NTRK2: variants seen among roughly 807,000 people sequenced by gnomAD.
NTRK2 encodes the protein BDNF/NT-3 growth factors receptor.
A neutral mutation model predicts 94.5 loss-of-function variants in NTRK2; 13 were observed. The ratio of observed to expected loss-of-function variants is 0.14; its 90% CI spans 0.09 to 0.22. The LOEUF is 0.22. Ranked by LOEUF, NTRK2 falls within the 10% of genes least tolerant of loss-of-function variation. The pLI is 1.00. For synonymous variants in NTRK2, 372 were observed against 407.4 expected (o/e 0.91, Z 1.05); for missense variants, 639 against 1,071.2 (o/e 0.60, Z 5.63).
chr9:84,937,738 T>G (rs1413536267), intron 15 of NTRK2, among the ~76,000 whole-genome samples: 1 of 152,180 alleles, frequency 6.6e-6, no homozygotes, highest in East Asian at 1.9e-4. Context: ...TCAAACTGAG[T>G]TACTTTACCT....
At chr9:84,727,557 A>G (rs1183719004) in intron 8 of NTRK2, 97 bp from the exon 9 acceptor site, 3 of 1,206,638 alleles carry the variant, frequency 2.5e-6, no homozygotes, top group African/African-American at 1.5e-5. Flanking sequence ...AAGCCAAACA[A>G]TGGTTGAGTA....
chr9:84,832,815 G>T (rs2073640531), intron 12 of NTRK2, among the ~76,000 whole-genome samples: 1 of 152,084 alleles, frequency 6.6e-6, no homozygotes, highest in African/African-American at 2.4e-5. Context: ...TCCTGAGCTG[G>T]CCCAGTGTGT....
intron 14 of NTRK2, chr9:84,877,585 G>T: frequency 9.4e-7 from 1 of 1,065,994 alleles, no homozygotes; most frequent in Non-Finnish European, 1.1e-6. Flanking sequence ...CAACCATTCA[G>T]CCTGCTGCTG....
chr9:84,842,037 G>T (rs149719222), intron 12 of NTRK2, among the ~76,000 whole-genome samples: 1 of 152,142 alleles, frequency 6.6e-6, no homozygotes, highest in African/African-American at 2.4e-5. Context: ...GCAACCAGTG[G>T]AACTATTCAC....
intron 17 of NTRK2, among the ~76,000 whole-genome samples, chr9:85,015,339 T>C (rs1302982840): frequency 6.6e-6 from 1 of 152,146 alleles, no homozygotes; most frequent in Admixed American, 6.5e-5. Flanking sequence ...CACAGTAGAT[T>C]TGGCTGCATT....
At chr9:84,874,545 T>G (rs1216209746) in intron 14 of NTRK2, 2 of 1,065,068 alleles carry the variant, frequency 1.9e-6, no homozygotes, top group Non-Finnish European at 1.1e-6. Context: ...TGTTTGTTTT[T>G]GTTTAGTTTT....
intron 14 of NTRK2, among the ~76,000 whole-genome samples, chr9:84,929,314 G>A (rs904026717): frequency 2.6e-5 from 4 of 152,104 alleles, no homozygotes; most frequent in African/African-American, 9.7e-5. Flanking sequence ...GGCACTCATG[G>A]GACAAATGAC....
intron 12 of NTRK2, among the ~76,000 whole-genome samples, chr9:84,832,390 A>T (rs2073606411): frequency 6.6e-6 from 1 of 152,212 alleles, no homozygotes; most frequent in Non-Finnish European, 1.5e-5. Flanking sequence ...ATATTAAAGA[A>T]CCAAGTGCTA....
intron 12 of NTRK2, among the ~76,000 whole-genome samples, chr9:84,810,053 G>A (rs761002429): frequency 2.6e-5 from 4 of 152,170 alleles, no homozygotes; most frequent in Non-Finnish European, 4.4e-5. Flanking sequence ...CAGGATTTGG[G>A]TAGATAGGTA....
intron 14 of NTRK2, chr9:84,874,695 C>A: frequency 9.4e-7 from 1 of 1,062,054 alleles, no homozygotes; most frequent in Non-Finnish European, 1.1e-6. Flanking sequence ...TTGGACTCAG[C>A]CCCTAACTGG....
chr9:84,737,217 G>A (rs538896572), intron 9 of NTRK2, among the ~76,000 whole-genome samples: 36 of 152,220 alleles, frequency 2.4e-4, no homozygotes, highest in Middle Eastern at 3.4e-3. Flanking sequence ...TATCTTGTTA[G>A]CAGAATGGAA....
chr9:84,774,471 C>A (rs1249422504), intron 12 of NTRK2, among the ~76,000 whole-genome samples: 1 of 152,320 alleles, frequency 6.6e-6, no homozygotes, highest in African/African-American at 2.4e-5. Context: ...ACATAAAGAA[C>A]TGGAGGCTCA....
At chr9:84,927,028 G>T (rs768136571) in intron 14 of NTRK2, among the ~76,000 whole-genome samples, 1 of 152,184 alleles carries the variant, frequency 6.6e-6, no homozygotes, top group Non-Finnish European at 1.5e-5. Flanking sequence ...GTGCCTATCG[G>T]CATCCCTTTT....
At chr9:84,929,496 T>A (rs76061508) in intron 14 of NTRK2, among the ~76,000 whole-genome samples, 2,972 of 152,284 alleles carry the variant, frequency 0.02, 49 homozygotes, top group Middle Eastern at 0.031. Context: ...CTCTTTTTTT[T>A]AAATTAAGTG....
At chr9:84,673,451 T>C (rs1428715735) in intron 2 of NTRK2, among the ~76,000 whole-genome samples, 1 of 152,236 alleles carries the variant, frequency 6.6e-6, no homozygotes, top group East Asian at 1.9e-4. Flanking sequence ...TGTAAAGTTC[T>C]GGTTTAGTGG....
chr9:84,694,717 T>C (rs2060255390), intron 2 of NTRK2, among the ~76,000 whole-genome samples: 1 of 152,150 alleles, frequency 6.6e-6, no homozygotes, highest in African/African-American at 2.4e-5. Context: ...CCTGTCATAG[T>C]TGAAATGCCG....
intron 12 of NTRK2, among the ~76,000 whole-genome samples, chr9:84,765,971 T>G (rs1382364647): frequency 6.6e-6 from 1 of 152,146 alleles, no homozygotes; most frequent in African/African-American, 2.4e-5. Context: ...AAAAGACTAT[T>G]GGGTAGGACT....
At chr9:84,883,066 C>T (rs1338796530) in intron 14 of NTRK2, among the ~76,000 whole-genome samples, 1 of 152,206 alleles carries the variant, frequency 6.6e-6, no homozygotes, top group Non-Finnish European at 1.5e-5. Context: ...CACACCTGGC[C>T]TGCTAGAAAC....
Position 84,880,613 on chromosome 9 carries a change from C to T in NTRK2, c.1633+13182C>T, listed in dbSNP as rs578202043. On this transcript the variant is annotated intron_variant, in intron 14 of 18. Coordinates refer to ENST00000277120, the MANE Select transcript of NTRK2 (RefSeq NM_006180.6). Reference sequence around the variant, plus strand: ...CATTCATACGTGGCATTCTTCCAAGCCTGCATCTACGTGCTTCATAAAGTC... The same window carrying T: ...CATTCATACGTGGCATTCTTCCAAGTCTGCATCTACGTGCTTCATAAAGTC... Among the ~76,000 whole-genome samples, 13 of 152,342 alleles carry T rather than the reference C, an allele frequency of 8.5e-5. 1 individual carries two copies. The South Asian group carries it at 2.7e-3, about 32-fold the overall frequency.
Sources: gnomAD v4.1 joint callset for allele counts (sites outside exome capture counted in the v4.1 genomes callset) on GRCh38, gnomAD v4.1.1 for gene constraint, MANE v1.5 for transcripts, NCBI Gene and HGNC (gene_info 2026-07-23, HGNC 2026-07-21) for gene names.